The following MYO9A variants were observed in gnomAD, a reference collection of about 807,000 sequenced individuals.
MYO9A encodes the protein myosin IXA.
Under a neutral mutation model 293.3 loss-of-function variants are expected in MYO9A, and 103 were observed. That is an observed-to-expected ratio of 0.35 (90% CI 0.30 to 0.41). The LOEUF is 0.41. Ranked by LOEUF, MYO9A falls within the 10% of genes least tolerant of loss-of-function variation. The pLI is 1.00. For synonymous variants in MYO9A, 1,001 were observed against 1,035.7 expected, an observed-to-expected ratio of 0.97 and a Z score of 0.64; for missense variants, 2,685 against 3,033.0, an observed-to-expected ratio of 0.89 and a Z score of 2.69.
At chr15:72,078,382 C>T (rs2079436529) in intron 1 of MYO9A, among the ~76,000 whole-genome samples, 2 of 151,454 alleles carry the variant, frequency 1.3e-5, no homozygotes, top group African/African-American at 4.9e-5. Flanking sequence ...GTCCTAGCTA[C>T]TCAGGAGGCT....
At chr15:71,874,776 A>T (rs1312465866) in intron 32 of MYO9A, among the ~76,000 whole-genome samples, 1 of 152,164 alleles carries the variant, frequency 6.6e-6, no homozygotes, top group East Asian at 1.9e-4. Flanking sequence ...CCTTCATATG[A>T]ACATGCAACA....
At chr15:72,024,811 A>T (rs546448490) in intron 4 of MYO9A, among the ~76,000 whole-genome samples, 1 of 152,320 alleles carries the variant, frequency 6.6e-6, no homozygotes, top group Non-Finnish European at 1.5e-5. Flanking sequence ...CAAGGTAACC[A>T]ATAAGAATAT....
chr15:72,020,830 G>T, intron 5 of MYO9A, 88 bp downstream of exon 5: 1 of 714,058 alleles, frequency 1.4e-6, no homozygotes, highest in Non-Finnish European at 2.1e-6. Flanking sequence ...CCATTCCTAG[G>T]TTTGAGAAAG....
At chr15:71,854,818 C>T (rs1190161376) in intron 34 of MYO9A, among the ~76,000 whole-genome samples, 1 of 152,134 alleles carries the variant, frequency 6.6e-6, no homozygotes, top group Non-Finnish European at 1.5e-5. Context: ...GCTACAGCTT[C>T]TCCTATCAAA....
chr15:71,912,117 A>G (rs1391243319), intron 19 of MYO9A, among the ~76,000 whole-genome samples: 1 of 152,186 alleles, frequency 6.6e-6, no homozygotes, highest in East Asian at 1.9e-4. Flanking sequence ...TGTTCTGTAT[A>G]GTGTAAAAGC....
Position 72,108,536 on chromosome 15 carries a change from G to C in MYO9A, c.-72+9144C>G, listed in dbSNP as rs1021426127. On this transcript the variant is annotated intron_variant, in intron 1 of 41. Transcript: ENST00000356056. ...TGTGGGAAGGAACTTCCTACATTGA[G>C]AGACTAAAAAGAGATAATCAAATGA... Among the ~76,000 whole-genome samples, 3 of 152,128 alleles carry C rather than the reference G, an allele frequency of 2.0e-5. No individual in the cohort carries two copies. The East Asian group carries it at 5.8e-4, about 29-fold the overall frequency.
intron 14 of MYO9A, chr15:71,958,377 G>A (rs1220368091): frequency 2.0e-5 from 3 of 152,144 alleles, no homozygotes; most frequent in Non-Finnish European, 1.5e-5. Flanking sequence ...GAGTAGGTAG[G>A]AAGCGGTGTG....
intron 18 of MYO9A, among the ~76,000 whole-genome samples, chr15:71,926,636 G>A (rs929680092): frequency 6.6e-6 from 1 of 152,194 alleles, no homozygotes; most frequent in African/African-American, 2.4e-5. Context: ...GAGCTTGGGA[G>A]GTAGAGGCTG....
In MYO9A at chr15:71,935,425, C is replaced by G. The variant is rs1448520874; in HGVS notation, c.2438G>C (p.Ser813Thr). The change falls in exon 17 of 42, where the codon AGT becomes ACT. Residue 813 changes from serine to threonine, a missense_variant. This residue lies in a region of MYO9A where 1,434 missense variants were observed against 1,497.7 expected (regional missense o/e 0.96). Transcript: ENST00000356056. Reference sequence around the variant, plus strand: ...ATCTTTATCAAGCAAGGAGGTGCCACTTGATAGTCTGCTCTGGCGAATCCC... The same window carrying G: ...ATCTTTATCAAGCAAGGAGGTGCCAGTTGATAGTCTGCTCTGGCGAATCCC... ...RTGIRQSRLS[S>T]GTSLLDKDGI... 6.2e-7 allele frequency: 1 copy of G among 1,613,746 alleles called. No homozygotes were observed.
chr15:71,897,518 C>G lies in MYO9A; in HGVS notation c.4985G>C (p.Arg1662Thr). The G allele has an allele frequency of 1.2e-6, 2 of 1,614,060 alleles. No homozygotes were observed. The highest frequency in any genetic ancestry group is 1.7e-6 in the Non-Finnish European group (2 of 1,179,938). Reference protein sequence around the residue: ...SYSHNSDDLSREGNARPIFFT... With the variant: ...SYSHNSDDLSTEGNARPIFFT... The stretch of plus-strand genomic sequence containing the variant: ...GAAAATGGGCCTAGCATTTCCCTCT[C>G]TGGAAAGGTCATCAGAATTGTGGCT... The change falls in exon 25 of 42, where the codon AGA (arginine) becomes ACA (threonine). Residue 1662 changes from arginine (R) to threonine (T), a missense_variant. Transcript: ENST00000356056.
intron 32 of MYO9A, among the ~76,000 whole-genome samples, chr15:71,870,091 C>G (rs1309386027): frequency 6.6e-6 from 1 of 152,068 alleles, no homozygotes; most frequent in Non-Finnish European, 1.5e-5. Flanking sequence ...CACTTCCAAG[C>G]CATGCCTAAC....
At chr15:71,974,367 C>T (rs1379031513) in intron 12 of MYO9A, among the ~76,000 whole-genome samples, 1 of 152,170 alleles carries the variant, frequency 6.6e-6, no homozygotes, top group Non-Finnish European at 1.5e-5. Context: ...ATGAGTGGGA[C>T]TAAAGGAGCA....
At chr15:71,850,570 T>C (rs2055589963) in intron 37 of MYO9A, among the ~76,000 whole-genome samples, 1 of 151,126 alleles carries the variant, frequency 6.6e-6, no homozygotes, top group African/African-American at 2.4e-5. Flanking sequence ...TTTGAGACAA[T>C]CTTGGCCAAC....
intron 11 of MYO9A, among the ~76,000 whole-genome samples, chr15:71,986,792 T>C (rs1372380826): frequency 2.6e-5 from 4 of 152,162 alleles, no homozygotes; most frequent in African/African-American, 9.7e-5. Flanking sequence ...GTTTATAAAG[T>C]AAAAACATTA....
rs961223746 is a variant in MYO9A, at chr15:72,030,499, ACTATAT to A, written c.935+1989_935+1994del. On this transcript the variant is annotated intron_variant, in intron 3 of 41. Coordinates refer to ENST00000356056, the MANE Select transcript of MYO9A (RefSeq NM_006901.4). ...CATTCTACATAATACATATCTATAT[ACTATAT>A]CTATATCTATATATACATATATATA... 5.3e-4 allele frequency among the ~76,000 whole-genome samples: 80 copies of A among 152,174 alleles called. 3 individuals are homozygous for A. Among genetic ancestry groups the A allele is most frequent in the South Asian group, 2.7e-3 (13 of 4,828 alleles).
At position 71,898,424 on chromosome 15, in the gene MYO9A, T is replaced by G. The variant is rs770358834; in HGVS notation, c.4079A>C (p.Lys1360Thr). 1 of 1,613,910 alleles carries G rather than the reference T, an allele frequency of 6.2e-7. No homozygotes were observed. Among genetic ancestry groups the G allele is most frequent in the Non-Finnish European group, 8.5e-7 (1 of 1,180,022 alleles). The change falls in exon 25 of 42, where the codon AAG becomes ACG. Residue 1360 changes from lysine (K) to threonine (T), a missense_variant. Lys to Thr is a moderately conservative substitution (Grantham distance 78, BLOSUM62 -1). Around this residue, in one of 10 missense-constraint regions of MYO9A, gnomAD observed 1,434 missense variants for 1,497.7 expected, o/e 0.96. Transcript: ENST00000356056. ...DEGDLQFPSP[K>T]ISSSPKFDSR... ...ATCAAATTTTGGACTGCTGGATATC[T>G]TAGGTGATGGAAACTGCAAGTCTCC...
Position 71,928,813 on chromosome 15 carries a change from C to T in MYO9A, c.2562+4857G>A, listed in dbSNP as rs114641276. Reference sequence around the variant, plus strand: ...GTGGCTCATGACTGTAATTCTAGTACTTTAGGAGGCCAAAGCAGGAAAATC... The same window carrying T: ...GTGGCTCATGACTGTAATTCTAGTATTTTAGGAGGCCAAAGCAGGAAAATC... On this transcript the variant is annotated intron_variant, in intron 18 of 41. Coordinates refer to ENST00000356056, the MANE Select transcript of MYO9A (RefSeq NM_006901.4). 5.1e-3 allele frequency among the ~76,000 whole-genome samples: 767 copies of T among 151,144 alleles called. 8 individuals are homozygous for T. The highest frequency in any genetic ancestry group is 0.018 in the African/African-American group (730 of 41,088).
At chr15:72,019,262 T>A (rs1363692309) in intron 5 of MYO9A, among the ~76,000 whole-genome samples, 167 bp from the exon 6 acceptor site, 1 of 152,222 alleles carries the variant, frequency 6.6e-6, no homozygotes, top group Admixed American at 6.5e-5. Flanking sequence ...GCTGGGAGAC[T>A]GTATACTGTA....
intron 19 of MYO9A, among the ~76,000 whole-genome samples, chr15:71,905,762 CAAAA>C (rs3086807): frequency 3.2e-4 from 23 of 71,910 alleles, no homozygotes; most frequent in South Asian, 2.3e-3. Flanking sequence ...GACTCTGTCT[CAAAA>C]AAAAAAAAAA....
Sources: gnomAD v4.1 joint callset for allele counts (sites outside exome capture counted in the v4.1 genomes callset) on GRCh38, gnomAD v4.1.1 for gene constraint, gnomAD v4.1.1 regional missense constraint, MANE v1.5 for transcripts, NCBI Gene and HGNC (gene_info 2026-07-23, HGNC 2026-07-21) for gene names.